Variants in STPG2 observed in about 807,000 individuals in gnomAD.
The protein encoded by STPG2 is sperm-tail PG-rich repeat-containing protein 2.
A neutral mutation model predicts 54.2 loss-of-function variants in STPG2; 56 were observed. The ratio of observed to expected loss-of-function variants is 1.03; its 90% CI spans 0.83 to 1.29. The LOEUF (loss-of-function observed/expected upper bound fraction) is 1.29, where lower values mean the gene tolerates loss of function less well. STPG2 is among the 50% of genes most tolerant of loss of function. The pLI is 0.00. For missense variants in STPG2, 596 were observed against 544.9 expected (o/e 1.09, Z -0.93); for synonymous variants, 200 against 181.8 (o/e 1.10, Z -0.81).
At chr4:97,947,842 C>G (rs1484678254) in intron 7 of STPG2, among the ~76,000 whole-genome samples, 1 of 152,002 alleles carries the variant, frequency 6.6e-6, no homozygotes, top group Non-Finnish European at 1.5e-5. Context: ...CTACATTCAT[C>G]AGGGATATTG....
intron 5 of STPG2, among the ~76,000 whole-genome samples, chr4:98,001,743 G>A (rs1270623787): frequency 1.3e-5 from 2 of 152,030 alleles, no homozygotes; most frequent in Non-Finnish European, 2.9e-5. Flanking sequence ...CATTTAATCA[G>A]CCCCAACTGG....
intron 10 of STPG2, among the ~76,000 whole-genome samples, chr4:97,705,051 C>G (rs1430832428): frequency 6.6e-6 from 1 of 152,000 alleles, no homozygotes; most frequent in African/African-American, 2.4e-5. Context: ...GTGTCTATAG[C>G]TCAGAGGAGA....
chr4:97,925,218 C>CA (rs1228613346), intron 8 of STPG2, among the ~76,000 whole-genome samples: 1 of 152,180 alleles, frequency 6.6e-6, no homozygotes, highest in Non-Finnish European at 1.5e-5. Flanking sequence ...CAATAGCACT[C>CA]AATCAGGAAT....
At chr4:97,856,639 A>G (rs1729346209) in intron 8 of STPG2, among the ~76,000 whole-genome samples, 7 of 152,124 alleles carry the variant, frequency 4.6e-5, no homozygotes, top group Admixed American at 4.6e-4. Flanking sequence ...TTCCTATCTG[A>G]ATATGCTTTA....
intron 10 of STPG2, among the ~76,000 whole-genome samples, chr4:97,652,382 A>G (rs1037503762): frequency 2.6e-5 from 4 of 151,872 alleles, no homozygotes; most frequent in Non-Finnish European, 5.9e-5. Flanking sequence ...CACCTTTAAA[A>G]TCAGTCCTTT....
At chr4:98,007,205 C>A (rs577702179) in intron 5 of STPG2, among the ~76,000 whole-genome samples, 1 of 152,198 alleles carries the variant, frequency 6.6e-6, no homozygotes, top group Non-Finnish European at 1.5e-5. Context: ...CAGATCTTAC[C>A]TGCAAGTGTG....
rs187472243 is a variant in STPG2 at position 98,042,510 on chromosome 4, T to G, written c.613-61192A>C. Among the ~76,000 whole-genome samples, 147 of 152,066 alleles carry G rather than the reference T, an allele frequency of 9.7e-4. No individual in the cohort carries two copies. In the East Asian group the frequency reaches 0.026, roughly 27 times the overall value. ...TTTTGCTGTGTCCCAGATGTTCTGG[T>G]ATGTTGTGTCCCCATTTTTATTCAT... On this transcript the variant is annotated intron_variant, in intron 5 of 10. Coordinates refer to ENST00000295268, the MANE Select transcript of STPG2 (RefSeq NM_174952.3).
At chr4:97,657,479 C>T (rs2148958498) in intron 10 of STPG2, among the ~76,000 whole-genome samples, 2 of 152,170 alleles carry the variant, frequency 1.3e-5, no homozygotes, top group South Asian at 4.2e-4. Context: ...AGTTTACTAG[C>T]TTGATGTATA....
chr4:98,078,571 T>TAA (rs1392408478), intron 5 of STPG2, among the ~76,000 whole-genome samples: 4 of 140,656 alleles, frequency 2.8e-5, no homozygotes, highest in Non-Finnish European at 6.2e-5. Flanking sequence ...GCAATAGATT[T>TAA]AAAAAAAAAA....
chr4:97,658,545 C>G (rs908249444), intron 10 of STPG2, among the ~76,000 whole-genome samples: 1 of 152,124 alleles, frequency 6.6e-6, no homozygotes, highest in African/African-American at 2.4e-5. Flanking sequence ...ACTATCCCAG[C>G]TGTTTTGTTG....
At chr4:97,470,704 C>T (rs904260841) in intron 4 of STPG2, among the ~76,000 whole-genome samples, 2 of 151,920 alleles carry the variant, frequency 1.3e-5, no homozygotes, top group Non-Finnish European at 2.9e-5. Flanking sequence ...TTCTCTTTCT[C>T]TCAATATATC....
At chr4:97,642,978 G>A (rs932690474) in intron 10 of STPG2, among the ~76,000 whole-genome samples, 2 of 151,466 alleles carry the variant, frequency 1.3e-5, no homozygotes, top group Non-Finnish European at 3.0e-5. Context: ...TTTGAAAAAT[G>A]CCTAGACCAG....
At chr4:97,936,724 G>T (rs993417249) in intron 8 of STPG2, among the ~76,000 whole-genome samples, 8 of 152,178 alleles carry the variant, frequency 5.3e-5, no homozygotes, top group Non-Finnish European at 8.8e-5. Context: ...CTTCTGGCTT[G>T]CAGTGTTTCT....
intron 10 of STPG2, among the ~76,000 whole-genome samples, chr4:97,662,476 A>G (rs1045766238): frequency 1.3e-5 from 2 of 152,206 alleles, no homozygotes; most frequent in Admixed American, 6.5e-5. Context: ...AAATTAAAAG[A>G]GAATTACCAT....
intron 8 of STPG2, among the ~76,000 whole-genome samples, chr4:97,863,356 A>C (rs1200259038): frequency 1.3e-5 from 2 of 152,346 alleles, no homozygotes; most frequent in East Asian, 1.9e-4. Context: ...GAAGAAATGG[A>C]TAAATTCCTT....
At position 97,582,674 on chromosome 4, in the gene STPG2, T is replaced by C. The variant is rs1030125904; in HGVS notation, c.1321-23557A>G. On this transcript the variant is annotated intron_variant, in intron 10 of 10. Transcript: ENST00000295268. ...AGTCCACATAACTGAGCAAAAGATATAGGCTAGAATGATAAGTAAATTTGT... is the reference window on the plus strand; with the variant it reads ...AGTCCACATAACTGAGCAAAAGATACAGGCTAGAATGATAAGTAAATTTGT... 2.6e-5 allele frequency among the ~76,000 whole-genome samples: 4 copies of C among 152,028 alleles called. No individual in the cohort carries two copies. In the South Asian group the frequency reaches 6.2e-4, roughly 24 times the overall value.
intron 9 of STPG2, among the ~76,000 whole-genome samples, chr4:97,773,881 G>A (rs548544792): frequency 2.6e-5 from 4 of 152,144 alleles, no homozygotes; most frequent in East Asian, 1.9e-4. Flanking sequence ...TTGGCATGAC[G>A]ATACATGCCT....
intron 8 of STPG2, among the ~76,000 whole-genome samples, chr4:97,901,868 A>G (rs1460041191): frequency 1.3e-5 from 2 of 152,066 alleles, no homozygotes. Flanking sequence ...CACTTGAGTA[A>G]GAAGGACAAA....
chr4:97,921,661 A>G lies in STPG2; in HGVS notation c.1044+22236T>C, dbSNP rs529566377. ...GGGACATCATCAACTGAATCAATAT[A>G]TGCATTATGCACTTCCCAGAAGGAG... On this transcript the variant is annotated intron_variant, in intron 8 of 10. Transcript: ENST00000295268. Among the ~76,000 whole-genome samples, 79 of 152,272 alleles carry G rather than the reference A, an allele frequency of 5.2e-4. 1 individual carries two copies. The highest frequency in any genetic ancestry group is 1.8e-3 in the African/African-American group (75 of 41,544).
Sources: allele counts gnomAD v4.1 joint callset (sites outside exome capture counted in the v4.1 genomes callset), GRCh38; gene constraint gnomAD v4.1.1; transcripts MANE v1.5; gene names NCBI Gene and HGNC (gene_info 2026-07-23, HGNC 2026-07-21).